Variants in PDE4D observed in about 807,000 individuals in gnomAD.
PDE4D encodes the protein 3',5'-cyclic-AMP phosphodiesterase 4D.
Under a neutral mutation model 87.4 loss-of-function variants are expected in PDE4D, and 24 were observed. That is an observed-to-expected ratio of 0.27 (90% CI 0.20 to 0.39). The LOEUF (loss-of-function observed/expected upper bound fraction) is 0.39, where lower values mean the gene tolerates loss of function less well. Among genes scored for constraint, PDE4D ranks in the 10% least tolerant of loss-of-function variants. The pLI is 1.00. For synonymous variants in PDE4D, 384 were observed against 383.2 expected, an observed-to-expected ratio of 1.00 and a Z score of -0.02; for missense variants, 714 against 1,041.0, an observed-to-expected ratio of 0.69 and a Z score of 4.32.
Position 59,668,791 on chromosome 5 carries a change from A to AAAG in PDE4D, c.455+224374_455+224376dup, listed in dbSNP as rs1279926605. 4.4e-3 allele frequency among the ~76,000 whole-genome samples: 601 copies of AAAG among 137,516 alleles called. 24 individuals are homozygous for AAAG. The highest frequency in any genetic ancestry group is 0.017 in the African/African-American group (572 of 33,906). The allele number at this position is 137,516 out of a possible 152,430, so 90.2% of individuals were successfully genotyped here. Reference sequence around the variant, plus strand: ...AAGAAGAAGAAAGAAGAAGAAGAAGAAAGAAGAAGAAGAAAGAAGAAGAAG... The same window carrying AAAG: ...AAGAAGAAGAAAGAAGAAGAAGAAGAAAGAAGAAGAAGAAGAAAGAAGAAGAAG... On this transcript the variant is annotated intron_variant, in intron 1 of 14. Coordinates refer to ENST00000340635, the MANE Select transcript of PDE4D (RefSeq NM_001104631.2).
chr5:59,058,378 G>C (rs1307785145), intron 5 of PDE4D, among the ~76,000 whole-genome samples: 9 of 152,086 alleles, frequency 5.9e-5, no homozygotes. Context: ...GTGTCCTATA[G>C]AGCCTTTCAT....
At chr5:59,572,470 G>GT (rs1010908147) in intron 1 of PDE4D, among the ~76,000 whole-genome samples, 11 of 149,212 alleles carry the variant, frequency 7.4e-5, no homozygotes, top group African/African-American at 7.7e-5. Context: ...GTTTTGTTTT[G>GT]TTTTGTTTTT....
chr5:59,670,318 G>C (rs2092037224), intron 1 of PDE4D, among the ~76,000 whole-genome samples: 1 of 152,058 alleles, frequency 6.6e-6, no homozygotes, highest in African/African-American at 2.4e-5. Context: ...TCACAAGGTA[G>C]GTTAAGCATC....
intron 1 of PDE4D, among the ~76,000 whole-genome samples, chr5:60,376,492 C>T (rs755372462): frequency 6.6e-5 from 10 of 152,150 alleles, no homozygotes; most frequent in Non-Finnish European, 1.2e-4. Flanking sequence ...GGCCTCCTAA[C>T]GCATCCCACA....
chr5:59,693,307 G>A (rs1467259253), intron 1 of PDE4D, among the ~76,000 whole-genome samples: 5 of 152,018 alleles, frequency 3.3e-5, no homozygotes, highest in African/African-American at 4.8e-5. Context: ...TCACTCAAAT[G>A]TCCAGAATCT....
At chr5:59,068,898 T>C (rs920166267) in intron 5 of PDE4D, among the ~76,000 whole-genome samples, 5 of 152,178 alleles carry the variant, frequency 3.3e-5, no homozygotes, top group Admixed American at 3.3e-4. Context: ...CATCAAATTG[T>C]AATTATTATA....
chr5:59,775,596 A>T (rs1763999345), intron 1 of PDE4D, among the ~76,000 whole-genome samples: 1 of 152,210 alleles, frequency 6.6e-6, no homozygotes, highest in Non-Finnish European at 1.5e-5. Context: ...AAACTCCCCA[A>T]AATTGTTCAT....
intron 1 of PDE4D, among the ~76,000 whole-genome samples, chr5:59,625,734 T>C (rs989954545): frequency 6.6e-6 from 1 of 152,186 alleles, no homozygotes; most frequent in South Asian, 2.1e-4. Flanking sequence ...TAAAAGAACA[T>C]TCTCTTTCAA....
At chr5:59,502,174 A>T (rs1808400825) in intron 1 of PDE4D, among the ~76,000 whole-genome samples, 1 of 152,150 alleles carries the variant, frequency 6.6e-6, no homozygotes, top group Non-Finnish European at 1.5e-5. Context: ...TTTATTATTG[A>T]AAGGTCCTCA....
At chr5:60,061,650 G>C (rs1319739625) in intron 2 of PDE4D, among the ~76,000 whole-genome samples, 1 of 152,092 alleles carries the variant, frequency 6.6e-6, no homozygotes, top group East Asian at 1.9e-4. Context: ...AAAGAATAAA[G>C]CTGGAGGCAT....
chr5:59,613,762 T>C (rs1385659086), intron 1 of PDE4D, among the ~76,000 whole-genome samples: 1 of 152,136 alleles, frequency 6.6e-6, no homozygotes, highest in East Asian at 1.9e-4. Context: ...TAGGTTAACA[T>C]TAAATTTAAT....
intron 1 of PDE4D, among the ~76,000 whole-genome samples, chr5:59,774,419 C>G (rs950157955): frequency 2.6e-5 from 4 of 152,044 alleles, no homozygotes; most frequent in Non-Finnish European, 5.9e-5. Flanking sequence ...AGCCAGTAAA[C>G]AGTTTTTTTA....
At chr5:59,414,234 A>T (rs1384724505) in intron 1 of PDE4D, among the ~76,000 whole-genome samples, 1 of 152,352 alleles carries the variant, frequency 6.6e-6, no homozygotes, top group Non-Finnish European at 1.5e-5. Flanking sequence ...GATTTCAAAG[A>T]TATGGAATGT....
intron 2 of PDE4D, among the ~76,000 whole-genome samples, chr5:60,118,828 T>C (rs560999909): frequency 2.0e-5 from 3 of 152,196 alleles, no homozygotes; most frequent in African/African-American, 7.2e-5. Flanking sequence ...CCATTTCCAC[T>C]GAAACAAAAT....
chr5:59,462,719 G>A (rs1488660220), intron 1 of PDE4D, among the ~76,000 whole-genome samples: 2 of 152,132 alleles, frequency 1.3e-5, no homozygotes, highest in East Asian at 3.8e-4. Context: ...GTAAATCAAA[G>A]ATACGTCTTA....
intron 1 of PDE4D, among the ~76,000 whole-genome samples, chr5:59,344,463 T>C (rs758175596): frequency 3.3e-5 from 5 of 152,138 alleles, no homozygotes; most frequent in Admixed American, 2.0e-4. Flanking sequence ...AGTACACTCC[T>C]GTGATCACAT....
intron 11 of PDE4D, among the ~76,000 whole-genome samples, chr5:58,979,461 T>G (rs10037958): frequency 0.16 from 24,417 of 152,140 alleles, 2,095 homozygotes; most frequent in Admixed American, 0.19. Flanking sequence ...TATTTAACTT[T>G]CTACTCTTCT....
intron 2 of PDE4D, among the ~76,000 whole-genome samples, chr5:60,122,686 A>T (rs951033728): frequency 2.0e-5 from 3 of 152,036 alleles, no homozygotes. Context: ...TGCTGTGAAG[A>T]CCTCTGAGAT....
chr5:59,453,086 A>T (rs1156526959), intron 1 of PDE4D, among the ~76,000 whole-genome samples: 1 of 152,032 alleles, frequency 6.6e-6, no homozygotes, highest in Non-Finnish European at 1.5e-5. Context: ...GCAATATTTC[A>T]AACTTTTAAA....
Sources: gnomAD v4.1 joint callset for allele counts (sites outside exome capture counted in the v4.1 genomes callset) on GRCh38, gnomAD v4.1.1 for gene constraint, MANE v1.5 for transcripts, NCBI Gene and HGNC (gene_info 2026-07-23, HGNC 2026-07-21) for gene names.